ITPK1: variants seen among roughly 807,000 people sequenced by gnomAD.
ITPK1 encodes the protein inositol 1,3,4-trisphosphate 5/6-kinase.
In ITPK1, 21 loss-of-function variants were observed where a neutral mutation model predicts 45.3. That is an observed-to-expected ratio of 0.46 (90% CI 0.33 to 0.67). ITPK1 has a LOEUF of 0.67. Ranked by LOEUF, ITPK1 falls within the 30% of genes least tolerant of loss-of-function variation. The pLI is 0.02. For missense variants in ITPK1, 474 were observed against 573.5 expected, an observed-to-expected ratio of 0.83 and a Z score of 1.77; for synonymous variants, 258 against 253.6, an observed-to-expected ratio of 1.02 and a Z score of -0.16.
At chr14:93,028,589 C>T (rs986583205) in intron 3 of ITPK1, among the ~76,000 whole-genome samples, 14 of 152,218 alleles carry the variant, frequency 9.2e-5, no homozygotes, top group African/African-American at 3.4e-4. Flanking sequence ...ACAATACAGC[C>T]GATGACAGCT....
At chr14:92,945,662 C>T (rs930791469) in intron 10 of ITPK1, among the ~76,000 whole-genome samples, 14 of 152,170 alleles carry the variant, frequency 9.2e-5, no homozygotes, top group South Asian at 6.2e-4. Context: ...GCCTGGTGAC[C>T]GCGAGCTGTG....
At chr14:92,973,689 G>A (rs890197811) in intron 5 of ITPK1, among the ~76,000 whole-genome samples, 1 of 152,226 alleles carries the variant, frequency 6.6e-6, no homozygotes, top group Non-Finnish European at 1.5e-5. Context: ...CAGCGATGAC[G>A]ATGGCAGCCA....
intron 3 of ITPK1, among the ~76,000 whole-genome samples, chr14:93,038,870 G>C (rs1595159692): frequency 3.3e-5 from 5 of 152,330 alleles, no homozygotes; most frequent in African/African-American, 1.2e-4. Context: ...TGAAGACAAA[G>C]ACATAAGTGC....
chr14:93,019,150 G>A (rs991805778), intron 3 of ITPK1, among the ~76,000 whole-genome samples: 4 of 152,144 alleles, frequency 2.6e-5, no homozygotes, highest in African/African-American at 4.8e-5. Flanking sequence ...CACCACAAAC[G>A]AGAGGCCAAG....
chr14:93,074,363 C>A (rs745339612), intron 3 of ITPK1, among the ~76,000 whole-genome samples: 1 of 152,188 alleles, frequency 6.6e-6, no homozygotes, highest in Admixed American at 6.5e-5. Flanking sequence ...TCCCACAGAC[C>A]GAGCGGATTA....
intron 8 of ITPK1, among the ~76,000 whole-genome samples, chr14:92,953,342 G>A (rs760086927): frequency 3.3e-5 from 5 of 152,250 alleles, no homozygotes; most frequent in Admixed American, 6.5e-5. Context: ...TCCAGACGGG[G>A]GCCATGAAAT....
At chr14:92,978,894 T>C (rs956313258) in intron 5 of ITPK1, among the ~76,000 whole-genome samples, 2 of 152,084 alleles carry the variant, frequency 1.3e-5, no homozygotes, top group African/African-American at 2.4e-5. Context: ...GAGCACTGCC[T>C]AGGGGAGCTG....
At position 93,072,615 on chromosome 14, in the gene ITPK1, C is replaced by CTTTTTTTTTTTTT. The variant is rs111822420; in HGVS notation, c.120+3967_120+3979dup. On this transcript the variant is annotated intron_variant, in intron 3 of 10. Coordinates refer to ENST00000267615, the MANE Select transcript of ITPK1 (RefSeq NM_014216.6). ...TAGTCATCTCTTATCAAATATTATTCTTTTTTTTTTTTTTTTTGAGACAGT... is the reference window on the plus strand; with the variant it reads ...TAGTCATCTCTTATCAAATATTATTCTTTTTTTTTTTTTTTTTTTTTTTTTTTTTTGAGACAGT... Among the ~76,000 whole-genome samples, 3 of 139,260 alleles carry CTTTTTTTTTTTTT rather than the reference C, an allele frequency of 2.2e-5. 1 individual carries two copies. The allele number at this position is 139,260 out of a possible 152,430, so 91.4% of individuals were successfully genotyped here. A position where few individuals can be genotyped will look rare whatever the true frequency, so the allele number is the denominator to read the frequency against.
Position 92,941,182 on chromosome 14 carries a change from A to G in ITPK1, c.*379T>C, listed in dbSNP as rs980832875. 10 of 1,237,580 alleles carry G rather than the reference A, an allele frequency of 8.1e-6. No individual in the cohort carries two copies. Among genetic ancestry groups the G allele is most frequent in the Admixed American group, 3.7e-5 (1 of 26,698 alleles). 76.7% of individuals were successfully genotyped at this position (1,237,580 alleles called of 1,614,324 possible). On this transcript the variant is annotated 3_prime_UTR_variant, in exon 11 of 11. Transcript: ENST00000267615. ...GCCCGACATGGGCAGGCTTCCCCCAAGGGTCCCGGTCCACAGTGGCCATGG... is the reference window on the plus strand; with the variant it reads ...GCCCGACATGGGCAGGCTTCCCCCAGGGGTCCCGGTCCACAGTGGCCATGG...
At position 92,983,820 on chromosome 14, in the gene ITPK1, TA is replaced by T. The variant is rs11444691; in HGVS notation, c.364+10059del. Among the ~76,000 whole-genome samples the T allele has an allele frequency of 5.1e-3, 752 of 148,018 alleles. 2 individuals are homozygous for T. Among genetic ancestry groups the T allele is most frequent in the Non-Finnish European group, 8.9e-3 (597 of 66,792 alleles). On this transcript the variant is annotated intron_variant, in intron 5 of 10. Coordinates refer to ENST00000267615, the MANE Select transcript of ITPK1 (RefSeq NM_014216.6). ...GCTGTTTACTGCAGCCCAGTTTGTT[TA>T]AAAAAAAAAAATCCAAACAAGACTG...
rs4586354 is a variant in ITPK1 at position 92,958,943 on chromosome 14, T to C, written c.505-577A>G. ...TACAACCTTTCACAGATGAGGACGA[T>C]GAGGCGCTGAGAGGTTCAGTGACTG... On this transcript the variant is annotated intron_variant, in intron 7 of 10. Transcript: ENST00000267615. The surrounding 1 kb of genome is among the most constrained non-coding windows in gnomAD (Gnocchi z 4.4). Among the ~76,000 whole-genome samples the C allele has an allele frequency of 0.068, 10,325 of 152,218 alleles. 607 individuals carry two copies. Among genetic ancestry groups the C allele is most frequent in the East Asian group, 0.33 (1,682 of 5,160 alleles).
intron 3 of ITPK1, among the ~76,000 whole-genome samples, chr14:93,025,600 C>T (rs2139876430): frequency 6.6e-6 from 1 of 152,272 alleles, no homozygotes; most frequent in Non-Finnish European, 1.5e-5. Flanking sequence ...CCATCTTTTA[C>T]CCACTGTTTG....
intron 2 of ITPK1, among the ~76,000 whole-genome samples, chr14:93,079,047 C>T (rs969206724): frequency 3.3e-5 from 5 of 152,178 alleles, no homozygotes; most frequent in East Asian, 1.9e-4. Context: ...GTTATCCCAG[C>T]GTGTGACTCT....
intron 2 of ITPK1, among the ~76,000 whole-genome samples, chr14:93,092,528 G>A (rs1448740077): frequency 1.3e-5 from 2 of 152,246 alleles, no homozygotes; most frequent in Non-Finnish European, 2.9e-5. Context: ...GTGCAGCCAG[G>A]CTGGGACCAG....
chr14:93,085,933 G>A (rs773297062), intron 2 of ITPK1, among the ~76,000 whole-genome samples: 3 of 132,964 alleles, frequency 2.3e-5, no homozygotes, highest in Non-Finnish European at 1.7e-5. Flanking sequence ...GGGAGGTAGT[G>A]GGGGGTGCTG....
rs544127236 is a variant in ITPK1, at chr14:93,065,662, C to T, written c.120+10933G>A. Among the ~76,000 whole-genome samples, 6 of 152,308 alleles carry T rather than the reference C, an allele frequency of 3.9e-5. No individual in the cohort carries two copies. In the East Asian group the frequency reaches 7.7e-4, roughly 20 times the overall value. On this transcript the variant is annotated intron_variant, in intron 3 of 10. Transcript: ENST00000267615. The stretch of plus-strand genomic sequence containing the variant: ...TCCCCTTCTTCTTTAGCAACAAAAT[C>T]CTGAAGTCACTTCTAGACCATAACC...
Position 93,098,769 on chromosome 14 carries a change from G to A in ITPK1, c.95+16300C>T, listed in dbSNP as rs117491148. Among the ~76,000 whole-genome samples, 204 of 152,276 alleles carry A rather than the reference G, an allele frequency of 1.3e-3. 2 individuals carry two copies. In the East Asian group the frequency reaches 0.031, roughly 23 times the overall value. On this transcript the variant is annotated intron_variant, in intron 2 of 10. Transcript: ENST00000267615. ...CTACTTCAGGGCTGTCCACACGGCC[G>A]CAACCAAGGCAGGGCAGAACGGCTT...
intron 2 of ITPK1, among the ~76,000 whole-genome samples, chr14:93,082,958 A>G (rs1441373721): frequency 6.6e-6 from 1 of 152,218 alleles, no homozygotes; most frequent in Non-Finnish European, 1.5e-5. Flanking sequence ...ATTTCTGCTC[A>G]AGCCAGCTAA....
chr14:92,999,378 C>T lies in ITPK1; in HGVS notation c.247-5381G>A, dbSNP rs569454887. On this transcript the variant is annotated intron_variant, in intron 4 of 10. Transcript: ENST00000267615. ...CAAAGTCCCGGGCTCCGGCCCTGCC[C>T]GTCCTAACAGCTTGCTCCTTCCTTC... is the stretch of plus-strand genomic sequence containing the variant. Among the ~76,000 whole-genome samples the T allele has an allele frequency of 2.1e-4, 32 of 152,352 alleles. 1 individual carries two copies. The highest frequency in any genetic ancestry group is 7.5e-4 in the African/African-American group (31 of 41,590).
Sources: gnomAD v4.1 joint callset for allele counts (sites outside exome capture counted in the v4.1 genomes callset) on GRCh38, gnomAD v4.1.1 for gene constraint, Gnocchi (gnomAD v3.1) non-coding constraint, MANE v1.5 for transcripts, NCBI Gene and HGNC (gene_info 2026-07-23, HGNC 2026-07-21) for gene names.